The following ELMO1 variants were observed in gnomAD, a reference collection of about 807,000 sequenced individuals.
ELMO1 encodes engulfment and cell motility 1.
ELMO1 carries 26 observed loss-of-function variants against 98.9 expected under a neutral mutation model. That is an observed-to-expected ratio of 0.26 (90% CI 0.19 to 0.36). The LOEUF is 0.36. ELMO1 is among the 10% of genes least tolerant of loss of function. ELMO1 has a pLI of 1.00. For missense variants in ELMO1, 627 were observed against 935.2 expected, an observed-to-expected ratio of 0.67 and a Z score of 4.30; for synonymous variants, 346 against 346.0, an observed-to-expected ratio of 1.00 and a Z score of 0.00.
At chr7:37,275,185 A>C (rs113370991) in intron 4 of ELMO1, among the ~76,000 whole-genome samples, 1,549 of 152,282 alleles carry the variant, frequency 0.01, 35 homozygotes, top group African/African-American at 0.036. Flanking sequence ...CTCAACATAC[A>C]TGACAGCAAA....
chr7:37,162,573 T>G (rs1460988065), intron 13 of ELMO1, among the ~76,000 whole-genome samples: 1 of 152,196 alleles, frequency 6.6e-6, no homozygotes, highest in Non-Finnish European at 1.5e-5. Context: ...TATACCATAA[T>G]GACAAGTAGT....
At chr7:37,284,776 G>GAA (rs3054300) in intron 4 of ELMO1, among the ~76,000 whole-genome samples, 70,157 of 149,646 alleles carry the variant, frequency 0.47, 16,656 homozygotes, top group Middle Eastern at 0.63. Context: ...ACGGTTTAAA[G>GAA]AAAAAAAAAA....
At position 37,331,433 on chromosome 7, in the gene ELMO1, C is replaced by T. The variant is rs546424703; in HGVS notation, c.78+11180G>A. ...TCCTGACCTCATGATCCGCCCGCCT[C>T]AGCCTCCCAAAGGGCTGAAATTACA... On this transcript the variant is annotated intron_variant, in intron 2 of 21. Transcript: ENST00000310758. Among the ~76,000 whole-genome samples the T allele has an allele frequency of 3.1e-4, 47 of 150,224 alleles. 1 individual carries two copies. Among genetic ancestry groups the T allele is most frequent in the African/African-American group, 1.2e-3 (47 of 40,810 alleles).
intron 13 of ELMO1, among the ~76,000 whole-genome samples, chr7:37,199,369 TTTGGGAGGCTGAG>T (rs1245385530): frequency 3.3e-5 from 5 of 152,154 alleles, no homozygotes; most frequent in African/African-American, 9.7e-5. Flanking sequence ...ATCCCAGCAT[TTTGGGAGGCTGAG>T]GTGGGAGGTG....
At chr7:37,172,895 A>T (rs560213534) in intron 13 of ELMO1, among the ~76,000 whole-genome samples, 11 of 152,318 alleles carry the variant, frequency 7.2e-5, no homozygotes, top group Admixed American at 6.5e-4. Context: ...TCCCTTAACT[A>T]GCAGACGGCT....
intron 1 of ELMO1, among the ~76,000 whole-genome samples, chr7:37,381,190 C>T (rs1040814289): frequency 6.6e-6 from 1 of 152,152 alleles, no homozygotes; most frequent in East Asian, 1.9e-4. Flanking sequence ...CAGAATCTGC[C>T]AATAGCACAG....
intron 14 of ELMO1, among the ~76,000 whole-genome samples, chr7:37,116,230 C>T (rs1214455421): frequency 6.6e-6 from 1 of 152,082 alleles, no homozygotes; most frequent in East Asian, 1.9e-4. Flanking sequence ...ATAGCGAAAC[C>T]CCAGCACAGC....
At chr7:37,406,327 A>G (rs1401237344) in intron 1 of ELMO1, among the ~76,000 whole-genome samples, 1 of 150,962 alleles carries the variant, frequency 6.6e-6, no homozygotes, top group Non-Finnish European at 1.5e-5. Context: ...AAAGATTTCC[A>G]TTGGATGAGA....
chr7:37,109,750 C>T (rs956260754), intron 14 of ELMO1, among the ~76,000 whole-genome samples: 1 of 152,188 alleles, frequency 6.6e-6, no homozygotes, highest in African/African-American at 2.4e-5. Flanking sequence ...GGAAACATTG[C>T]CTCAACACCC....
chr7:37,365,975 CAAGAT>C (rs746488245), intron 1 of ELMO1, among the ~76,000 whole-genome samples: 1 of 152,166 alleles, frequency 6.6e-6, no homozygotes, highest in Non-Finnish European at 1.5e-5. Flanking sequence ...GATGAATGCC[CAAGAT>C]AAGATTTCAC....
intron 9 of ELMO1, among the ~76,000 whole-genome samples, chr7:37,222,965 G>A (rs1479431889): frequency 3.3e-5 from 5 of 152,262 alleles, no homozygotes; most frequent in Middle Eastern, 6.8e-3. Context: ...CAGATTAAAG[G>A]CATAAACCTA....
At chr7:36,859,349 G>A (rs1028315043) in intron 21 of ELMO1, among the ~76,000 whole-genome samples, 5 of 152,200 alleles carry the variant, frequency 3.3e-5, no homozygotes, top group Non-Finnish European at 7.3e-5. Context: ...TTATTGTTGG[G>A]AAATGCATAC....
At chr7:37,436,952 C>T (rs1805176494) in intron 1 of ELMO1, among the ~76,000 whole-genome samples, 2 of 152,188 alleles carry the variant, frequency 1.3e-5, no homozygotes, top group African/African-American at 4.8e-5. Flanking sequence ...GCTTGATCAT[C>T]TGGCTCAGAT....
intron 13 of ELMO1, among the ~76,000 whole-genome samples, chr7:37,164,065 G>A (rs1470394862): frequency 6.6e-6 from 1 of 152,116 alleles, no homozygotes; most frequent in East Asian, 1.9e-4. Context: ...TTGCGGTTTT[G>A]ATTTGCATTT....
chr7:37,234,777 T>C (rs1206679661), intron 7 of ELMO1, among the ~76,000 whole-genome samples: 2 of 152,256 alleles, frequency 1.3e-5, no homozygotes, highest in Non-Finnish European at 2.9e-5. Context: ...CTCCAAATGC[T>C]GTGCAGTGAA....
At chr7:37,381,483 T>C (rs1802578179) in intron 1 of ELMO1, among the ~76,000 whole-genome samples, 1 of 152,178 alleles carries the variant, frequency 6.6e-6, no homozygotes, top group African/African-American at 2.4e-5. Flanking sequence ...CCTGCACTAA[T>C]GAAGAGTGAA....
chr7:37,168,478 T>C (rs4361687), intron 13 of ELMO1, among the ~76,000 whole-genome samples: 95,940 of 151,494 alleles, frequency 0.63, 32,922 homozygotes, highest in Non-Finnish European at 0.76. Context: ...TTATCTACTT[T>C]TGGTCTTTGA....
rs554015541 is a variant in ELMO1 at position 36,979,666 on chromosome 7, G to A, written c.1437+33633C>T. 3.3e-5 allele frequency among the ~76,000 whole-genome samples: 5 copies of A among 152,328 alleles called. No homozygotes were observed. In the South Asian group the frequency reaches 6.2e-4, roughly 19 times the overall value. On this transcript the variant is annotated intron_variant, in intron 16 of 21. Transcript: ENST00000310758. ...AGGTCTAGGGACAGTGCCAATGTTG[G>A]TGGTTTTCAAACCAGCTCCTGCTTT...
chr7:37,040,725 G>A (rs1795457314), intron 15 of ELMO1, among the ~76,000 whole-genome samples: 2 of 152,112 alleles, frequency 1.3e-5, no homozygotes, highest in African/African-American at 4.8e-5. Flanking sequence ...TATCCTGGTG[G>A]GTATAAGCAG....
Sources: gnomAD v4.1 joint callset for allele counts (sites outside exome capture counted in the v4.1 genomes callset) on GRCh38, gnomAD v4.1.1 for gene constraint, MANE v1.5 for transcripts, NCBI Gene and HGNC (gene_info 2026-07-23, HGNC 2026-07-21) for gene names.